KATNIP: variants seen among roughly 807,000 people sequenced by gnomAD.
KATNIP encodes katanin interacting protein.
Under a neutral mutation model 174.0 loss-of-function variants are expected in KATNIP, and 126 were observed. The ratio of observed to expected loss-of-function variants is 0.72; its 90% CI spans 0.63 to 0.84. The LOEUF (loss-of-function observed/expected upper bound fraction) is 0.84. Ranked by LOEUF, KATNIP falls within the 40% of genes least tolerant of loss-of-function variation. KATNIP has a pLI of 0.00. For synonymous variants in KATNIP, 810 were observed against 835.7 expected, an observed-to-expected ratio of 0.97 and a Z score of 0.53; for missense variants, 1,958 against 2,109.7, an observed-to-expected ratio of 0.93 and a Z score of 1.41.
intron 14 of KATNIP, among the ~76,000 whole-genome samples, chr16:27,733,531 GA>G (rs1292390500): frequency 1.4e-5 from 2 of 143,386 alleles, no homozygotes; most frequent in East Asian, 4.1e-4. Context: ...GTTAAAGAAG[GA>G]AAAAAAATAT....
intron 27 of KATNIP, 45 bp downstream of exon 27, chr16:27,778,014 G>A (rs774012442): frequency 2.6e-5 from 41 of 1,559,068 alleles, no homozygotes; most frequent in South Asian, 6.7e-5. Context: ...TTGGGAGCTC[G>A]GTCTGAATAT....
chr16:27,618,168 G>A (rs1188047936), intron 2 of KATNIP, among the ~76,000 whole-genome samples: 1 of 152,196 alleles, frequency 6.6e-6, no homozygotes, highest in Non-Finnish European at 1.5e-5. Flanking sequence ...GGCATGGGAG[G>A]AACGAACAGT....
At chr16:27,558,812 A>G (rs908706780) in intron 1 of KATNIP, among the ~76,000 whole-genome samples, 1 of 150,634 alleles carries the variant, frequency 6.6e-6, no homozygotes, top group South Asian at 2.1e-4. Context: ...TTCCTGAGAC[A>G]GCTCAATGGG....
At chr16:27,701,744 A>G (rs2079107281) in intron 11 of KATNIP, 49 bp downstream of exon 11, 3 of 1,264,822 alleles carry the variant, frequency 2.4e-6, no homozygotes, top group Non-Finnish European at 3.4e-6. Context: ...CAGTGCAGCC[A>G]TGGGGATCTT....
intron 2 of KATNIP, among the ~76,000 whole-genome samples, chr16:27,585,571 T>G (rs1333250132): frequency 1.3e-5 from 2 of 152,124 alleles, no homozygotes; most frequent in African/African-American, 4.8e-5. Context: ...ACACACACAA[T>G]GGAGTCCTGT....
chr16:27,752,325 A>C (rs565717764), intron 17 of KATNIP, among the ~76,000 whole-genome samples: 1 of 152,296 alleles, frequency 6.6e-6, no homozygotes, highest in East Asian at 1.9e-4. Flanking sequence ...TGATCATCAC[A>C]GCCATGGTTT....
intron 14 of KATNIP, among the ~76,000 whole-genome samples, chr16:27,739,596 G>A (rs2081025146): frequency 6.6e-6 from 1 of 152,150 alleles, no homozygotes; most frequent in African/African-American, 2.4e-5. Context: ...CGACGCAGAT[G>A]GTCTCAGGAA....
chr16:27,588,853 C>A (rs1333647833), intron 2 of KATNIP, among the ~76,000 whole-genome samples: 1 of 147,154 alleles, frequency 6.8e-6, no homozygotes, highest in Non-Finnish European at 1.5e-5. Context: ...CTTTCTGGAG[C>A]TTTTTCTATT....
At chr16:27,680,088 T>C (rs2078275028) in intron 7 of KATNIP, among the ~76,000 whole-genome samples, 1 of 152,118 alleles carries the variant, frequency 6.6e-6, no homozygotes, top group Non-Finnish European at 1.5e-5. Flanking sequence ...CTGGGTTCAC[T>C]GGCCCCAGTT....
At chr16:27,568,473 A>C (rs1160849392) in intron 1 of KATNIP, among the ~76,000 whole-genome samples, 1 of 151,506 alleles carries the variant, frequency 6.6e-6, no homozygotes, top group Non-Finnish European at 1.5e-5. Flanking sequence ...ATAAGAAATA[A>C]GTTTTTTTTT....
At chr16:27,573,798 G>C (rs2090388971) in intron 1 of KATNIP, 103 bp from the exon 2 acceptor site, 1 of 1,027,190 alleles carries the variant, frequency 9.7e-7, no homozygotes, top group Non-Finnish European at 1.5e-6. Flanking sequence ...ATTTGATTAT[G>C]ATTGGTCCCA....
At chr16:27,633,045 C>T (rs187988511) in intron 5 of KATNIP, among the ~76,000 whole-genome samples, 4 of 152,030 alleles carry the variant, frequency 2.6e-5, no homozygotes, top group Middle Eastern at 3.4e-3. Context: ...CCACCGCGCC[C>T]GGCCGAAAAG....
intron 15 of KATNIP, among the ~76,000 whole-genome samples, chr16:27,741,729 C>G (rs2081116130): frequency 6.6e-6 from 1 of 152,116 alleles, no homozygotes. Context: ...ATGGTAAAAC[C>G]CTGACTCTAC....
At chr16:27,767,642 T>C (rs1472384344) in intron 20 of KATNIP, among the ~76,000 whole-genome samples, 1 of 152,136 alleles carries the variant, frequency 6.6e-6, no homozygotes, top group Non-Finnish European at 1.5e-5. Context: ...TGAGCCCAGG[T>C]TGAGGCTGCA....
At chr16:27,753,235 T>C (rs2081585777) in intron 17 of KATNIP, among the ~76,000 whole-genome samples, 1 of 152,102 alleles carries the variant, frequency 6.6e-6, no homozygotes, top group Non-Finnish European at 1.5e-5. Flanking sequence ...AAGCTGGATT[T>C]TTCTGTAAAA....
chr16:27,770,045 A>G, intron 21 of KATNIP, 27 bp downstream of exon 21: 2 of 1,605,440 alleles, frequency 1.2e-6, no homozygotes, highest in Non-Finnish European at 1.7e-6. Context: ...CGCCACACAC[A>G]GCCCCTCCCG....
intron 5 of KATNIP, among the ~76,000 whole-genome samples, chr16:27,634,477 C>T (rs2076577532): frequency 6.6e-6 from 1 of 152,176 alleles, no homozygotes; most frequent in Non-Finnish European, 1.5e-5. Context: ...CTGCCTAGGA[C>T]ACCATTGGGA....
At chr16:27,679,503 C>T (rs2142783295) in intron 7 of KATNIP, among the ~76,000 whole-genome samples, 1 of 152,134 alleles carries the variant, frequency 6.6e-6, no homozygotes, top group South Asian at 2.1e-4. Flanking sequence ...GTCTGTAATC[C>T]CAACAGTTTC....
chr16:27,621,062 G>C (rs578104034), intron 3 of KATNIP, among the ~76,000 whole-genome samples: 2 of 152,234 alleles, frequency 1.3e-5, no homozygotes, highest in African/African-American at 4.8e-5. Context: ...TATGCAGGAG[G>C]CTAAGGCAGG....
Sources: gnomAD v4.1 joint callset for allele counts (sites outside exome capture counted in the v4.1 genomes callset) on GRCh38, gnomAD v4.1.1 for gene constraint, MANE v1.5 for transcripts, NCBI Gene and HGNC (gene_info 2026-07-23, HGNC 2026-07-21) for gene names.